ELP2: variants seen among roughly 807,000 people sequenced by gnomAD.
The protein encoded by ELP2 is elongator acetyltransferase complex subunit 2, also known as elongator complex protein 2.
ELP2 carries 90 observed loss-of-function variants against 119.2 expected under a neutral mutation model. The observed-to-expected ratio is 0.75, with a 90% CI of 0.64 to 0.90. The LOEUF is 0.90. Ranked by LOEUF, ELP2 falls within the 40% of genes least tolerant of loss-of-function variation. ELP2 has a pLI of 0.00. For synonymous variants in ELP2, 339 were observed against 331.0 expected (o/e 1.02, Z -0.26); for missense variants, 921 against 967.8 (o/e 0.95, Z 0.64).
chr18:36,138,729 C>T, intron 4 of ELP2, 66 bp from the exon 5 acceptor site: 1 of 1,326,720 alleles, frequency 7.5e-7, no homozygotes, highest in Admixed American at 1.7e-5. Flanking sequence ...TGATGCTATC[C>T]AACCTGTCTA....
At position 36,176,116 on chromosome 18, in the gene ELP2, A is replaced by G. The variant is rs2091217308; in HGVS notation, c.*1475A>G. 6.6e-6 allele frequency: 1 copy of G among 152,162 alleles called. No homozygotes were observed. The highest frequency in any genetic ancestry group is 1.5e-5 in the Non-Finnish European group (1 of 68,038). 9.4% of individuals were successfully genotyped at this position (152,162 alleles called of 1,614,324 possible). On this transcript the variant is annotated 3_prime_UTR_variant, in exon 22 of 22. Transcript: ENST00000358232. Reference sequence around the variant, plus strand: ...GTATATCCAAAATATTATTATGTCAACCTATAATCAGTATAAAAACCTGTT... The same window carrying G: ...GTATATCCAAAATATTATTATGTCAGCCTATAATCAGTATAAAAACCTGTT...
At chr18:36,167,260 A>C in intron 19 of ELP2, 38 bp downstream of exon 19, 1 of 1,457,280 alleles carries the variant, frequency 6.9e-7, no homozygotes, top group Non-Finnish European at 9.3e-7. Context: ...TCAAATGTAA[A>C]AATAATATTT....
intron 11 of ELP2, among the ~76,000 whole-genome samples, chr18:36,153,773 A>G (rs79428945): frequency 0.069 from 10,430 of 151,952 alleles, 441 homozygotes; most frequent in Non-Finnish European, 0.094. Flanking sequence ...TGTTTTTTAT[A>G]TAGACTTTTT....
intron 17 of ELP2, among the ~76,000 whole-genome samples, chr18:36,161,386 C>G (rs1373731756): frequency 6.6e-6 from 1 of 152,002 alleles, no homozygotes; most frequent in Non-Finnish European, 1.5e-5. Flanking sequence ...GAGTGAGACT[C>G]TGTATATAAA....
intron 17 of ELP2, among the ~76,000 whole-genome samples, chr18:36,163,552 CTG>C (rs1173621053): frequency 6.6e-6 from 1 of 151,848 alleles, no homozygotes; most frequent in Non-Finnish European, 1.5e-5. Context: ...GATTTTTCTG[CTG>C]TGTTTTGTTC....
At chr18:36,142,726 C>T in intron 7 of ELP2, 100 bp from the exon 8 acceptor site, 1 of 777,410 alleles carries the variant, frequency 1.3e-6, no homozygotes, top group Non-Finnish European at 2.1e-6. Flanking sequence ...TGTTTTTTTT[C>T]TGGAAAATCT....
chr18:36,170,811 C>G, intron 20 of ELP2: 1 of 558,722 alleles, frequency 1.8e-6, no homozygotes, highest in Non-Finnish European at 3.2e-6. Context: ...GCTGGGGAAA[C>G]ACTGGCTCAT....
intron 11 of ELP2, among the ~76,000 whole-genome samples, chr18:36,150,034 T>C (rs1218765738): frequency 6.6e-6 from 1 of 152,202 alleles, no homozygotes; most frequent in Non-Finnish European, 1.5e-5. Context: ...TTTTCATCTT[T>C]CATTTGATAA....
intron 21 of ELP2, 130 bp downstream of exon 21, chr18:36,171,290 G>A: frequency 2.8e-6 from 2 of 706,282 alleles, no homozygotes; most frequent in South Asian, 1.5e-5. Flanking sequence ...ACTTTGTTTT[G>A]TGGTAATCTG....
At chr18:36,151,675 T>A (rs1218025705) in intron 11 of ELP2, among the ~76,000 whole-genome samples, 1 of 151,294 alleles carries the variant, frequency 6.6e-6, no homozygotes, top group Non-Finnish European at 1.5e-5. Flanking sequence ...CAGGCATGGT[T>A]AATTCTTTGG....
intron 11 of ELP2, among the ~76,000 whole-genome samples, chr18:36,150,613 T>C (rs2090365313): frequency 6.6e-6 from 1 of 152,232 alleles, no homozygotes; most frequent in Non-Finnish European, 1.5e-5. Context: ...AGGAGCTGTT[T>C]CACAGAGGGT....
intron 11 of ELP2, among the ~76,000 whole-genome samples, chr18:36,149,492 T>TTG (rs1555640004): frequency 8.8e-5 from 13 of 147,130 alleles, no homozygotes; most frequent in African/African-American, 3.2e-4. Context: ...TGTTTTGTTT[T>TTG]TTTTTTTTTT....
At chr18:36,173,313 C>T (rs970432150) in intron 21 of ELP2, among the ~76,000 whole-genome samples, 1 of 152,208 alleles carries the variant, frequency 6.6e-6, no homozygotes, top group Non-Finnish European at 1.5e-5. Flanking sequence ...AACTAGCTTA[C>T]TAATGATGCA....
intron 7 of ELP2, 88 bp from the exon 8 acceptor site, chr18:36,142,738 G>A (rs573826678): frequency 1.2e-6 from 1 of 863,146 alleles, no homozygotes; most frequent in South Asian, 1.7e-5. Flanking sequence ...GGAAAATCTG[G>A]AAATATATAT....
chr18:36,140,928 A>G (rs563856251), intron 5 of ELP2, among the ~76,000 whole-genome samples: 29 of 152,362 alleles, frequency 1.9e-4, no homozygotes, highest in African/African-American at 6.5e-4. Context: ...AATAGTCATT[A>G]TATTTACCAA....
At chr18:36,144,458 CCTT>C (rs780652714) in intron 8 of ELP2, among the ~76,000 whole-genome samples, 3 of 152,258 alleles carry the variant, frequency 2.0e-5, no homozygotes, top group African/African-American at 7.2e-5. Flanking sequence ...GAAGCAGACA[CCTT>C]CTTCACAGGG....
chr18:36,137,803 C>CAAAAAA (rs57722627), intron 3 of ELP2, among the ~76,000 whole-genome samples: 2 of 103,674 alleles, frequency 1.9e-5, no homozygotes, highest in Admixed American at 1.1e-4. Context: ...ATATTATCAC[C>CAAAAAA]AAAAAAAAAA....
chr18:36,151,034 C>T (rs2090380622), intron 11 of ELP2, among the ~76,000 whole-genome samples: 1 of 151,672 alleles, frequency 6.6e-6, no homozygotes, highest in African/African-American at 2.4e-5. Context: ...CCCCCTATTG[C>T]CCCACGCCAG....
At chr18:36,160,467 A>G (rs974830192) in intron 16 of ELP2, among the ~76,000 whole-genome samples, 3 of 151,802 alleles carry the variant, frequency 2.0e-5, no homozygotes, top group East Asian at 1.9e-4. Context: ...GTCCCAAGCT[A>G]CTTGAGAGAC....
Sources: gnomAD v4.1 joint callset for allele counts (sites outside exome capture counted in the v4.1 genomes callset) on GRCh38, gnomAD v4.1.1 for gene constraint, MANE v1.5 for transcripts, NCBI Gene and HGNC (gene_info 2026-07-23, HGNC 2026-07-21) for gene names.